Variants in ATAD2 observed in about 807,000 individuals in gnomAD.
ATAD2 encodes ATPase family AAA domain-containing protein 2.
Under a neutral mutation model 168.9 loss-of-function variants are expected in ATAD2, and 62 were observed. That is an observed-to-expected ratio of 0.37 (90% CI 0.30 to 0.45). The LOEUF is 0.45. Among genes scored for constraint, ATAD2 ranks in the 20% least tolerant of loss-of-function variants. ATAD2 has a pLI of 1.00. For synonymous variants in ATAD2, 613 were observed against 571.6 expected, an observed-to-expected ratio of 1.07 and a Z score of -1.03; for missense variants, 1,419 against 1,667.8, an observed-to-expected ratio of 0.85 and a Z score of 2.60.
intron 27 of ATAD2, among the ~76,000 whole-genome samples, chr8:123,321,874 G>A (rs1056020228): frequency 5.3e-5 from 8 of 152,138 alleles, no homozygotes; most frequent in African/African-American, 1.9e-4. Context: ...CCAGGTTATA[G>A]TGAGCTATGT....
intron 27 of ATAD2, among the ~76,000 whole-genome samples, chr8:123,321,987 C>CTTTTT (rs869048943): frequency 1.6e-4 from 22 of 136,472 alleles, no homozygotes; most frequent in African/African-American, 5.7e-4. Context: ...GTACATAAGT[C>CTTTTT]TTTTTTTTTT....
At chr8:123,384,680 C>A (rs1436237997) in intron 1 of ATAD2, among the ~76,000 whole-genome samples, 1 of 152,236 alleles carries the variant, frequency 6.6e-6, no homozygotes, top group African/African-American at 2.4e-5. Flanking sequence ...GATACATCCA[C>A]AGACACATGA....
At chr8:123,336,095 CT>C (rs928766106) in intron 22 of ATAD2, among the ~76,000 whole-genome samples, 1 of 152,080 alleles carries the variant, frequency 6.6e-6, no homozygotes, top group Non-Finnish European at 1.5e-5. Flanking sequence ...CATTTTGTGT[CT>C]CATTAGAGGA....
Position 123,359,704 on chromosome 8 carries a change from T to G in ATAD2, c.1158-19A>C. On this transcript the variant is annotated intron_variant, in intron 9 of 27. Coordinates refer to ENST00000287394, the MANE Select transcript of ATAD2 (RefSeq NM_014109.4). ...GAGGCACCTATTTAAAAAGATTTTT[T>G]AAAACCACACAAACCCATCAACTCA... The G allele has an allele frequency of 6.4e-7, 1 of 1,572,340 alleles. No individual in the cohort carries two copies. The highest frequency in any genetic ancestry group is 8.7e-7 in the Non-Finnish European group (1 of 1,144,882).
intron 11 of ATAD2, among the ~76,000 whole-genome samples, chr8:123,358,407 C>T (rs1400476665): frequency 1.3e-5 from 2 of 151,670 alleles, no homozygotes; most frequent in East Asian, 1.9e-4. Flanking sequence ...TGCAGTGGTG[C>T]GATCTCGGCT....
intron 1 of ATAD2, among the ~76,000 whole-genome samples, chr8:123,415,221 A>C (rs1813235394): frequency 6.6e-6 from 1 of 152,198 alleles, no homozygotes; most frequent in African/African-American, 2.4e-5. Flanking sequence ...AGGAGGCTAA[A>C]GATAGGGCCC....
chr8:123,404,701 G>A (rs994638024), intron 1 of ATAD2, among the ~76,000 whole-genome samples: 6 of 151,966 alleles, frequency 3.9e-5, no homozygotes, highest in African/African-American at 1.5e-4. Context: ...AGAGTAGCTG[G>A]GATTACAGGC....
upstream of ATAD2, chr8:123,396,596 A>G (rs747841573): frequency 3.1e-5 from 17 of 540,810 alleles, no homozygotes; most frequent in Non-Finnish European, 5.2e-5. Context: ...CGTGGAGAGG[A>G]ACACAGGCCG....
chr8:123,358,092 T>G (rs1221865224), intron 11 of ATAD2, among the ~76,000 whole-genome samples: 1 of 152,198 alleles, frequency 6.6e-6, no homozygotes. Context: ...TGAAAGAAAA[T>G]TCAAGAAATT....
chr8:123,408,117 T>C (rs1414262136), intron 1 of ATAD2, among the ~76,000 whole-genome samples: 2 of 152,224 alleles, frequency 1.3e-5, no homozygotes, highest in South Asian at 2.1e-4. Context: ...CCAAATCTTA[T>C]TGATTTCCCA....
chr8:123,402,106 C>T lies in ATAD2; in HGVS notation c.-2281-931G>A. On this transcript the variant is annotated intron_variant, in intron 1 of 28. Transcript: ENST00000521903. The surrounding 1 kb of genome is among the most constrained non-coding windows in gnomAD (Gnocchi z 4.8). ...TGCACTCTTAGGAGAAGCGGCTGTA[C>T]TGACAGCAGTGGAGGCCGAGGTGGT... The T allele has an allele frequency of 9.5e-7, 1 of 1,053,100 alleles. No homozygotes were observed. The highest frequency in any genetic ancestry group is 1.5e-6 in the Non-Finnish European group (1 of 683,604). The allele number at this position is 1,053,100 out of a possible 1,614,324, so 65.2% of individuals were successfully genotyped here.
intron 27 of ATAD2, 92 bp downstream of exon 27, chr8:123,322,846 A>T (rs1179919777): frequency 1.3e-5 from 17 of 1,352,268 alleles, no homozygotes; most frequent in Middle Eastern, 2.2e-4. Context: ...AGTTTCTTAC[A>T]CAGATTAAAT....
intron 24 of ATAD2, among the ~76,000 whole-genome samples, chr8:123,331,716 CTA>C (rs1214096104): frequency 1.3e-5 from 2 of 152,198 alleles, no homozygotes; most frequent in Admixed American, 6.5e-5. Context: ...GTGGCACCTC[CTA>C]TGTGTCCTAT....
At chr8:123,362,750 A>G (rs75252957) in intron 8 of ATAD2, among the ~76,000 whole-genome samples, 332 of 152,204 alleles carry the variant, frequency 2.2e-3, no homozygotes, top group African/African-American at 7.7e-3. Flanking sequence ...AGGACATGAG[A>G]TTTTATGTAA....
At chr8:123,372,851 C>A (rs1162353586) in intron 2 of ATAD2, among the ~76,000 whole-genome samples, 165 bp from the exon 3 acceptor site, 1 of 151,968 alleles carries the variant, frequency 6.6e-6, no homozygotes, top group Non-Finnish European at 1.5e-5. Context: ...ACCTCAGCCT[C>A]CCCAGTAGGT....
At chr8:123,348,510 C>T (rs373497293) in intron 14 of ATAD2, among the ~76,000 whole-genome samples, 5 of 152,110 alleles carry the variant, frequency 3.3e-5, no homozygotes, top group African/African-American at 1.2e-4. Context: ...AAACCACTCT[C>T]TACTAAAAAT....
chr8:123,380,897 G>A, intron 1 of ATAD2: 1 of 499,394 alleles, frequency 2.0e-6, no homozygotes, highest in Non-Finnish European at 3.5e-6. Context: ...AAGATTTACT[G>A]GTTTATAGTT....
chr8:123,334,754 C>T (rs1391956473), intron 22 of ATAD2, among the ~76,000 whole-genome samples: 1 of 152,104 alleles, frequency 6.6e-6, no homozygotes, highest in Non-Finnish European at 1.5e-5. Flanking sequence ...AGCAACCCTC[C>T]ACAGGAAACA....
At chr8:123,357,461 G>A in intron 12 of ATAD2, 101 bp downstream of exon 12, 2 of 1,140,972 alleles carry the variant, frequency 1.8e-6, no homozygotes, top group East Asian at 5.6e-5. Context: ...ATTCTTCTGG[G>A]TTTATTTAGA....
Sources: gnomAD v4.1 joint callset for allele counts (sites outside exome capture counted in the v4.1 genomes callset) on GRCh38, gnomAD v4.1.1 for gene constraint, Gnocchi (gnomAD v3.1) non-coding constraint, MANE v1.5 for transcripts, NCBI Gene and HGNC (gene_info 2026-07-23, HGNC 2026-07-21) for gene names.